The following IL1RAPL1 variants were observed in gnomAD, a reference collection of about 807,000 sequenced individuals.
The protein encoded by IL1RAPL1 is interleukin-1 receptor accessory protein-like 1.
A neutral mutation model predicts 48.4 loss-of-function variants in IL1RAPL1; 3 were observed. The observed-to-expected ratio is 0.06, with a 90% CI of 0.03 to 0.16. The LOEUF is 0.16. IL1RAPL1 is among the 10% of genes least tolerant of loss of function. The probability of loss-of-function intolerance (pLI) is 1.00; values close to 1 mark genes in which losing one functional copy is unlikely to be tolerated. For missense variants in IL1RAPL1, 349 were observed against 530.6 expected, an observed-to-expected ratio of 0.66 and a Z score of 3.36; for synonymous variants, 185 against 187.7, an observed-to-expected ratio of 0.99 and a Z score of 0.12.
chrX:29,875,927 C>T (rs1931893007), intron 6 of IL1RAPL1, among the ~76,000 whole-genome samples: 1 of 111,831 alleles, frequency 8.9e-6, no homozygotes, highest in South Asian at 3.8e-4. Context: ...AACTGTGTGA[C>T]TTGGGCAAGT....
At chrX:28,831,022 CTCTCTGTGTGTGTGTGTGTGTGTGTG>C (rs1421324951) in intron 2 of IL1RAPL1, among the ~76,000 whole-genome samples, 77 of 64,986 alleles carry the variant, frequency 1.2e-3, no homozygotes, top group African/African-American at 5.3e-3. Context: ...CTCTCTCTCT[CTCTCTGTGTGTGTGTGTGTGTGTGTG>C]TGTGTGTGTG....
chrX:29,318,918 A>G (rs181915819), intron 3 of IL1RAPL1, among the ~76,000 whole-genome samples: 61 of 111,982 alleles, frequency 5.4e-4, no homozygotes, highest in African/African-American at 1.9e-3. Context: ...AATTATTTTG[A>G]TAACTCCATT....
intron 3 of IL1RAPL1, among the ~76,000 whole-genome samples, chrX:29,287,577 C>T (rs976103726): frequency 6.3e-5 from 7 of 111,953 alleles, no homozygotes; most frequent in South Asian, 3.7e-4. Context: ...GCAGCATTTG[C>T]GATTGTCACT....
At chrX:29,537,783 G>A (rs867908702) in intron 5 of IL1RAPL1, among the ~76,000 whole-genome samples, 3 of 111,067 alleles carry the variant, frequency 2.7e-5, no homozygotes, top group Non-Finnish European at 5.7e-5. Context: ...TGTTGAAGGA[G>A]GCAAGAAGCT....
chrX:29,215,845 A>G (rs1193415776), intron 2 of IL1RAPL1, among the ~76,000 whole-genome samples: 1 of 111,047 alleles, frequency 9.0e-6, no homozygotes, highest in Non-Finnish European at 1.9e-5. Flanking sequence ...AGACTTTTTT[A>G]TCATTGTTTT....
At chrX:29,040,024 T>C (rs12391761) in intron 2 of IL1RAPL1, among the ~76,000 whole-genome samples, 22,166 of 110,843 alleles carry the variant, frequency 0.2, 1,733 homozygotes, top group Non-Finnish European at 0.24. Context: ...AATTATCAAA[T>C]TGAGACCTTC....
At chrX:29,241,316 G>A (rs1414004594) in intron 2 of IL1RAPL1, among the ~76,000 whole-genome samples, 2 of 111,813 alleles carry the variant, frequency 1.8e-5, no homozygotes, top group African/African-American at 6.5e-5. Flanking sequence ...GGTGAGTTGG[G>A]ATACCAGAAA....
chrX:28,835,608 G>C (rs1921183980), intron 2 of IL1RAPL1, among the ~76,000 whole-genome samples: 1 of 111,304 alleles, frequency 9.0e-6, no homozygotes, highest in Non-Finnish European at 1.9e-5. Context: ...GCCAAATGCA[G>C]CCTAAACATT....
intron 2 of IL1RAPL1, among the ~76,000 whole-genome samples, chrX:29,052,727 A>ATTATAATTATCTAGAATTAT (rs1927122691): frequency 1.8e-5 from 2 of 110,945 alleles, no homozygotes; most frequent in Non-Finnish European, 3.8e-5. Flanking sequence ...GCTGGAATGC[A>ATTATAATTATCTAGAATTAT]ATGGCATGAT....
chrX:28,759,781 G>A (rs767163099), intron 1 of IL1RAPL1, among the ~76,000 whole-genome samples: 2 of 111,808 alleles, frequency 1.8e-5, no homozygotes, highest in Non-Finnish European at 3.8e-5. Flanking sequence ...TGGTGGAGAT[G>A]CTTGAGTATG....
intron 2 of IL1RAPL1, among the ~76,000 whole-genome samples, chrX:29,230,522 A>AAAGCAAAAC (rs1569265292): frequency 1.1e-5 from 1 of 90,822 alleles, no homozygotes; most frequent in African/African-American, 4.2e-5. Context: ...AAAAAAAAAA[A>AAAGCAAAAC]AAAAAAAAAA....
chrX:29,501,197 A>T (rs1039834450), intron 5 of IL1RAPL1, among the ~76,000 whole-genome samples: 1 of 111,622 alleles, frequency 9.0e-6, no homozygotes, highest in Non-Finnish European at 1.9e-5. Flanking sequence ...CTGACTATTA[A>T]TCCCTTGTCA....
intron 5 of IL1RAPL1, among the ~76,000 whole-genome samples, chrX:29,635,265 C>A (rs1200060115): frequency 2.7e-5 from 3 of 111,651 alleles, no homozygotes; most frequent in Non-Finnish European, 5.6e-5. Flanking sequence ...TAACTGACAT[C>A]AAGGCATAGT....
chrX:29,632,436 A>G (rs1924808142), intron 5 of IL1RAPL1, among the ~76,000 whole-genome samples: 1 of 111,650 alleles, frequency 9.0e-6, no homozygotes, highest in Non-Finnish European at 1.9e-5. Context: ...GGCATGAGCC[A>G]CCGCGTCCGG....
intron 6 of IL1RAPL1, among the ~76,000 whole-genome samples, chrX:29,717,450 C>T (rs983794159): frequency 1.8e-5 from 2 of 112,147 alleles, no homozygotes; most frequent in Non-Finnish European, 1.9e-5. Context: ...AATGATTCTC[C>T]ACTTCTGGGA....
chrX:29,947,557 A>C (rs1198678529), intron 9 of IL1RAPL1, among the ~76,000 whole-genome samples: 2 of 111,473 alleles, frequency 1.8e-5, no homozygotes, highest in African/African-American at 6.5e-5. Context: ...GAAAATGTGA[A>C]CATCTGTTCC....
chrX:28,612,682 T>C (rs1934164856), intron 1 of IL1RAPL1, among the ~76,000 whole-genome samples: 1 of 112,180 alleles, frequency 8.9e-6, no homozygotes, highest in African/African-American at 3.2e-5. Context: ...GAGAACACTG[T>C]TGTGCACAAA....
chrX:29,924,251 C>T (rs372357317), intron 8 of IL1RAPL1, among the ~76,000 whole-genome samples: 5 of 112,073 alleles, frequency 4.5e-5, no homozygotes, highest in African/African-American at 1.3e-4. Context: ...ATGAAGGATG[C>T]AGCAATTGTG....
chrX:29,323,157 A>G (rs1269722810), intron 3 of IL1RAPL1, among the ~76,000 whole-genome samples: 1 of 110,993 alleles, frequency 9.0e-6, no homozygotes, highest in South Asian at 3.8e-4. Context: ...TTTCAACTGT[A>G]TGGTCATCTT....
Sources: gnomAD v4.1 joint callset for allele counts (sites outside exome capture counted in the v4.1 genomes callset) on GRCh38, gnomAD v4.1.1 for gene constraint, MANE v1.5 for transcripts, NCBI Gene and HGNC (gene_info 2026-07-23, HGNC 2026-07-21) for gene names.